PHF3: variants seen among roughly 807,000 people sequenced by gnomAD.
The protein encoded by PHF3 is PHD finger protein 3.
Under a neutral mutation model 178.4 loss-of-function variants are expected in PHF3, and 41 were observed. That is an observed-to-expected ratio of 0.23 (90% CI 0.18 to 0.30). The LOEUF (loss-of-function observed/expected upper bound fraction) is 0.30. Ranked by LOEUF, PHF3 falls within the 10% of genes least tolerant of loss-of-function variation. PHF3 has a pLI of 1.00. For missense variants in PHF3, 2,346 were observed against 2,398.1 expected (o/e 0.98, Z 0.45); for synonymous variants, 842 against 800.5 (o/e 1.05, Z -0.88).
intron 4 of PHF3, 48 bp from the exon 5 acceptor site, chr6:63,691,689 T>G: frequency 1.4e-6 from 2 of 1,446,560 alleles, no homozygotes; most frequent in South Asian, 1.4e-5. Flanking sequence ...GACATAGATT[T>G]TCTTGTTAAA....
intron 11 of PHF3, among the ~76,000 whole-genome samples, chr6:63,704,425 C>G (rs1272488985): frequency 6.6e-6 from 1 of 151,366 alleles, no homozygotes; most frequent in Non-Finnish European, 1.5e-5. Context: ...CCCACCAGCC[C>G]CTGGAAACCA....
chr6:63,703,154 A>G (rs1006480696), intron 10 of PHF3, among the ~76,000 whole-genome samples: 4 of 152,210 alleles, frequency 2.6e-5, no homozygotes, highest in African/African-American at 4.8e-5. Context: ...TGGGGATCAC[A>G]GGTGTGAGCC....
chr6:63,684,018 T>G, intron 3 of PHF3, 111 bp from the exon 4 acceptor site: 2 of 807,260 alleles, frequency 2.5e-6, no homozygotes, highest in South Asian at 3.8e-5. Flanking sequence ...ACATTTTTGT[T>G]GAGCAAATTA....
At chr6:63,675,597 G>A (rs1164201631) in intron 2 of PHF3, among the ~76,000 whole-genome samples, 1 of 152,172 alleles carries the variant, frequency 6.6e-6, no homozygotes, top group Non-Finnish European at 1.5e-5. Context: ...GTTGAAGGAA[G>A]TGTGTTGTCA....
In PHF3 at chr6:63,719,816, A is replaced by T. The variant is rs1768303178; in HGVS notation, c.*6108A>T. Among the ~76,000 whole-genome samples, 3 of 152,094 alleles carry T rather than the reference A, an allele frequency of 2.0e-5. No individual in the cohort carries two copies. The South Asian group carries it at 6.2e-4, about 31-fold the overall frequency. On this transcript the variant is annotated 3_prime_UTR_variant, in exon 16 of 16. Transcript: ENST00000262043. ...GTTTTAAAAAGTCAAATAGTTCTAC[A>T]AGGTTCATAAGCAAAAAGCAACAGG...
At chr6:63,708,545 A>G (rs952422570) in intron 13 of PHF3, among the ~76,000 whole-genome samples, 1 of 152,192 alleles carries the variant, frequency 6.6e-6, no homozygotes, top group African/African-American at 2.4e-5. Context: ...TTTAATATCA[A>G]TTATGTTTTT....
At chr6:63,705,877 A>G (rs1767667186) in intron 11 of PHF3, 152 bp from the exon 12 acceptor site, 4 of 604,830 alleles carry the variant, frequency 6.6e-6, no homozygotes, top group Non-Finnish European at 1.1e-5. Flanking sequence ...TTGTGATACA[A>G]CTAAATGATG....
chr6:63,649,524 TATG>T (rs1271274804), intron 2 of PHF3, among the ~76,000 whole-genome samples: 1 of 152,214 alleles, frequency 6.6e-6, no homozygotes, highest in Admixed American at 6.5e-5. Context: ...TCTTTTCTGT[TATG>T]ATGAACCAGG....
chr6:63,680,398 A>ATTTTTTTT (rs994238749), intron 3 of PHF3, among the ~76,000 whole-genome samples: 2 of 117,598 alleles, frequency 1.7e-5, no homozygotes, highest in Non-Finnish European at 3.6e-5. Flanking sequence ...AGCTGGTTTA[A>ATTTTTTTT]TTTTTTTTTT....
intron 2 of PHF3, among the ~76,000 whole-genome samples, chr6:63,677,016 G>A (rs192157855): frequency 2.2e-4 from 33 of 152,320 alleles, no homozygotes; most frequent in African/African-American, 7.7e-4. Context: ...ATTGAACTAG[G>A]TGATTTGGAG....
chr6:63,687,584 A>G (rs1190028101), intron 4 of PHF3, among the ~76,000 whole-genome samples: 1 of 152,226 alleles, frequency 6.6e-6, no homozygotes, highest in Non-Finnish European at 1.5e-5. Context: ...GAGATGGAAT[A>G]GGTGCCTTAA....
At chr6:63,708,393 T>C (rs1050842536) in intron 13 of PHF3, among the ~76,000 whole-genome samples, 1 of 152,164 alleles carries the variant, frequency 6.6e-6, no homozygotes, top group African/African-American at 2.4e-5. Flanking sequence ...TAAACAAGAT[T>C]ATTATTTTCC....
Position 63,717,623 on chromosome 6 carries a change from T to C in PHF3, c.*3915T>C, listed in dbSNP as rs544313011. ...GTTCACCATGTCAAGTTTCATCTTATAGATAGATGCAGAGCAGAGTCATTG... is the reference window on the plus strand; with the variant it reads ...GTTCACCATGTCAAGTTTCATCTTACAGATAGATGCAGAGCAGAGTCATTG... On this transcript the variant is annotated 3_prime_UTR_variant, in exon 16 of 16. Coordinates refer to ENST00000262043, the MANE Select transcript of PHF3 (RefSeq NM_001370348.2). Among the ~76,000 whole-genome samples, 8 of 152,112 alleles carry C rather than the reference T, an allele frequency of 5.3e-5. No individual in the cohort carries two copies. The highest frequency in any genetic ancestry group is 3.9e-4 in the East Asian group (2 of 5,186).
rs1016337950 is a variant in PHF3 at position 63,725,398 on chromosome 6, A to T, written c.*11690A>T. ...CCCAGCCAGTCACAATCCTGAATAT[A>T]CCTTGATTTTCTGCCCTCTTACATA... On this transcript the variant is annotated 3_prime_UTR_variant, in exon 16 of 16. Transcript: ENST00000262043. Among the ~76,000 whole-genome samples the T allele has an allele frequency of 6.6e-6, 1 of 152,154 alleles. No individual in the cohort carries two copies. The highest frequency in any genetic ancestry group is 6.5e-5 in the Admixed American group (1 of 15,280).
chr6:63,692,236 G>C (rs1212526894), intron 5 of PHF3, among the ~76,000 whole-genome samples, 193 bp downstream of exon 5: 1 of 152,082 alleles, frequency 6.6e-6, no homozygotes, highest in Non-Finnish European at 1.5e-5. Flanking sequence ...GTGACTTTTA[G>C]AATATGCAGG....
At position 63,721,903 on chromosome 6, in the gene PHF3, A is replaced by G. The variant is rs980695759; in HGVS notation, c.*8195A>G. 16 of 1,008,324 alleles carry G rather than the reference A, an allele frequency of 1.6e-5. No homozygotes were observed. The highest frequency in any genetic ancestry group is 2.1e-5 in the Non-Finnish European group (15 of 702,376). The allele number at this position is 1,008,324 out of a possible 1,614,324, so 62.5% of individuals were successfully genotyped here. On this transcript the variant is annotated 3_prime_UTR_variant, in exon 16 of 16. Transcript: ENST00000262043. ...GATAAGTTTTAGTTATGGGGAAAAAAGTAACAGATCTTGAGCACAATTGTG... is the reference window on the plus strand; with the variant it reads ...GATAAGTTTTAGTTATGGGGAAAAAGGTAACAGATCTTGAGCACAATTGTG...
intron 12 of PHF3, 59 bp downstream of exon 12, chr6:63,706,283 T>C (rs1258728177): frequency 1.1e-5 from 14 of 1,306,406 alleles, no homozygotes; most frequent in Non-Finnish European, 1.5e-5. Flanking sequence ...CAGATTATAC[T>C]TGCAAGTCTT....
chr6:63,709,799 C>T lies in PHF3; in HGVS notation c.3801+559C>T, dbSNP rs550925681. Reference sequence around the variant, plus strand: ...GGAAATGTAATCTTTATTGGATGGCCATGTGCCCAGCTAAAAGTTAAGGGC... The same window carrying T: ...GGAAATGTAATCTTTATTGGATGGCTATGTGCCCAGCTAAAAGTTAAGGGC... On this transcript the variant is annotated intron_variant, in intron 14 of 15. Transcript: ENST00000262043. 2.6e-5 allele frequency among the ~76,000 whole-genome samples: 4 copies of T among 152,212 alleles called. No homozygotes were observed. In the South Asian group the frequency reaches 8.3e-4, roughly 32 times the overall value.
chr6:63,707,386 A>C (rs1236970397), intron 13 of PHF3, among the ~76,000 whole-genome samples: 1 of 152,214 alleles, frequency 6.6e-6, no homozygotes, highest in Non-Finnish European at 1.5e-5. Context: ...TAGTGACTGT[A>C]GTTGCTGCAA....
Sources: allele counts gnomAD v4.1 joint callset (sites outside exome capture counted in the v4.1 genomes callset), GRCh38; gene constraint gnomAD v4.1.1; transcripts MANE v1.5; gene names NCBI Gene and HGNC (gene_info 2026-07-23, HGNC 2026-07-21).